Variants in UBE2E1 observed in about 807,000 individuals in gnomAD.
UBE2E1 encodes the protein ubiquitin-conjugating enzyme E2 E1.
In UBE2E1, 6 loss-of-function variants were observed where a neutral mutation model predicts 21.4. That is an observed-to-expected ratio of 0.28 (90% CI 0.15 to 0.55). The LOEUF (loss-of-function observed/expected upper bound fraction) is 0.55, where lower values mean the gene tolerates loss of function less well. Ranked by LOEUF, UBE2E1 falls within the 20% of genes least tolerant of loss-of-function variation. UBE2E1 has a pLI of 0.93. For missense variants in UBE2E1, 142 were observed against 236.5 expected (o/e 0.60, Z 2.62); for synonymous variants, 87 against 82.7 (o/e 1.05, Z -0.28).
chr3:23,819,090 C>T (rs1185489754), intron 3 of UBE2E1, among the ~76,000 whole-genome samples: 1 of 152,134 alleles, frequency 6.6e-6, no homozygotes, highest in Non-Finnish European at 1.5e-5. Flanking sequence ...TGAGACCATC[C>T]TGGCTAACAT....
Position 23,831,296 on chromosome 3 carries a change from G to A in UBE2E1, c.203+19786G>A, listed in dbSNP as rs540341117. Among the ~76,000 whole-genome samples the A allele has an allele frequency of 4.6e-5, 7 of 151,978 alleles. No individual in the cohort carries two copies. In the South Asian group the frequency reaches 1.2e-3, roughly 27 times the overall value. On this transcript the variant is annotated intron_variant, in intron 3 of 5. Transcript: ENST00000306627. ...AGTGCGCTTTATTTTTTCTCACATCGCAGATTGCTCCTGGCTGCCCACAGC... is the reference window on the plus strand; with the variant it reads ...AGTGCGCTTTATTTTTTCTCACATCACAGATTGCTCCTGGCTGCCCACAGC...
Position 23,810,032 on chromosome 3 carries a change from C to G in UBE2E1, c.153-1428C>G, listed in dbSNP as rs193259807. Among the ~76,000 whole-genome samples, 11 of 152,332 alleles carry G rather than the reference C, an allele frequency of 7.2e-5. No individual in the cohort carries two copies. In the East Asian group the frequency reaches 1.2e-3, roughly 16 times the overall value. On this transcript the variant is annotated intron_variant, in intron 2 of 5. Coordinates refer to ENST00000306627, the MANE Select transcript of UBE2E1 (RefSeq NM_003341.5). This position sits in a 1 kb window ranked among gnomAD's most constrained non-coding sequence, Gnocchi z 5.8. ...GAAGGTTTATAGAACCTCCCCCAGT[C>G]GTCGTCCTTAAAACCTGTTCCTCAT...
chr3:23,864,147 G>C (rs1700607531), intron 3 of UBE2E1, among the ~76,000 whole-genome samples: 1 of 152,164 alleles, frequency 6.6e-6, no homozygotes, highest in African/African-American at 2.4e-5. Context: ...GTCTGGTGTG[G>C]AATTTGTATT....
At chr3:23,869,059 ACGT>A (rs1700720743) in intron 3 of UBE2E1, among the ~76,000 whole-genome samples, 1 of 152,196 alleles carries the variant, frequency 6.6e-6, no homozygotes, top group Non-Finnish European at 1.5e-5. Flanking sequence ...AGTCACATGC[ACGT>A]GTCCAGTTAT....
intron 3 of UBE2E1, among the ~76,000 whole-genome samples, chr3:23,874,355 G>A (rs1278217237): frequency 6.6e-6 from 1 of 152,174 alleles, no homozygotes; most frequent in Admixed American, 6.5e-5. Flanking sequence ...CAAAAAGTCT[G>A]AACAAGATGC....
intron 5 of UBE2E1, 60 bp from the exon 6 acceptor site, chr3:23,890,449 C>T (rs1361043195): frequency 3.2e-5 from 50 of 1,541,318 alleles, no homozygotes; most frequent in East Asian, 4.6e-5. Context: ...TGTCACTATT[C>T]GCTAAAGTTT....
intron 3 of UBE2E1, among the ~76,000 whole-genome samples, chr3:23,858,185 G>T (rs1700480016): frequency 6.6e-6 from 1 of 152,182 alleles, no homozygotes; most frequent in East Asian, 1.9e-4. Flanking sequence ...GTAAATTCTG[G>T]ATTTCAATGC....
At position 23,842,250 on chromosome 3, in the gene UBE2E1, G is replaced by GTGTGTGTGTGTGTGTGTGTGTGGTGT. The variant is rs1553637746; in HGVS notation, c.203+30743_203+30744insGTGTGTGTGTGTGTGTGTGGTGTTGT. On this transcript the variant is annotated intron_variant, in intron 3 of 5. Transcript: ENST00000306627. This position sits in a 1 kb window ranked among gnomAD's most constrained non-coding sequence, Gnocchi z 4.6. The stretch of plus-strand genomic sequence containing the variant: ...GTGTGTGTGTGTGTGTGTGTGTGTG[G>GTGTGTGTGTGTGTGTGTGTGTGGTGT]TGTTGTTGTTGTTGGCGACAGGGTC... Among the ~76,000 whole-genome samples, 16 of 86,362 alleles carry GTGTGTGTGTGTGTGTGTGTGTGGTGT rather than the reference G, an allele frequency of 1.9e-4. No individual in the cohort carries two copies. Among genetic ancestry groups the GTGTGTGTGTGTGTGTGTGTGTGGTGT allele is most frequent in the East Asian group, 6.1e-4 (2 of 3,286 alleles). The allele number at this position is 86,362 out of a possible 152,430, so 56.7% of individuals were successfully genotyped here. A position where few individuals can be genotyped will look rare whatever the true frequency, so the allele number is the denominator to read the frequency against.
At chr3:23,877,911 T>C (rs1440007950) in intron 3 of UBE2E1, among the ~76,000 whole-genome samples, 3 of 152,196 alleles carry the variant, frequency 2.0e-5, no homozygotes, top group Non-Finnish European at 4.4e-5. Context: ...GAACTGAGTT[T>C]CTAATTCAGT....
chr3:23,814,382 A>G (rs1038111392), intron 3 of UBE2E1, among the ~76,000 whole-genome samples: 1 of 152,188 alleles, frequency 6.6e-6, no homozygotes, highest in Non-Finnish European at 1.5e-5. Flanking sequence ...CACAGTACAG[A>G]TTGTGTTCAA....
Position 23,810,691 on chromosome 3 carries a change from G to A in UBE2E1, c.153-769G>A. The A allele has an allele frequency of 1.6e-6, 1 of 619,900 alleles. No individual in the cohort carries two copies. The highest frequency in any genetic ancestry group is 2.6e-6 in the Non-Finnish European group (1 of 386,406). 38.4% of individuals were successfully genotyped at this position (619,900 alleles called of 1,614,324 possible). A position where few individuals can be genotyped will look rare whatever the true frequency, so the allele number is the denominator to read the frequency against. On this transcript the variant is annotated intron_variant, in intron 2 of 5. Transcript: ENST00000306627. This position sits in a 1 kb window ranked among gnomAD's most constrained non-coding sequence, Gnocchi z 5.8. ...GCGCGCGGTCTCGGGCCAAGGTTCT[G>A]GGCGCCGGGAGAGGAGAGCTGGGGC...
intron 3 of UBE2E1, among the ~76,000 whole-genome samples, chr3:23,857,430 T>G (rs1401447460): frequency 6.6e-6 from 1 of 152,136 alleles, no homozygotes; most frequent in Non-Finnish European, 1.5e-5. Flanking sequence ...AGAATTGAAG[T>G]TGAGGTAGCA....
At position 23,810,546 on chromosome 3, in the gene UBE2E1, G is replaced by C. The variant is rs1273285443; in HGVS notation, c.153-914G>C. 1.3e-6 allele frequency: 2 copies of C among 1,532,502 alleles called. No individual in the cohort carries two copies. Among genetic ancestry groups the C allele is most frequent in the South Asian group, 1.2e-5 (1 of 83,802 alleles). 94.9% of individuals were successfully genotyped at this position (1,532,502 alleles called of 1,614,324 possible). A position where few individuals can be genotyped will look rare whatever the true frequency, so the allele number is the denominator to read the frequency against. On this transcript the variant is annotated intron_variant, in intron 2 of 5. Transcript: ENST00000306627. The surrounding 1 kb of genome is among the most constrained non-coding windows in gnomAD (Gnocchi z 5.8). ...AAAAGCAGGTCCGGGGAGGTGGGCC[G>C]AGAGTCCCGGCCAGCGTGCGGGGCG...
At chr3:23,854,758 C>G (rs73825114) in intron 3 of UBE2E1, among the ~76,000 whole-genome samples, 2,727 of 152,268 alleles carry the variant, frequency 0.018, 87 homozygotes, top group African/African-American at 0.062. Flanking sequence ...TAAAGAAATT[C>G]TGTTAAATAC....
intron 3 of UBE2E1, among the ~76,000 whole-genome samples, chr3:23,838,714 C>T (rs1000374992): frequency 2.6e-5 from 4 of 152,078 alleles, no homozygotes; most frequent in East Asian, 1.9e-4. Context: ...CCAGGCTGTT[C>T]GCAAACTCCT....
chr3:23,890,008 A>G (rs1472669071), intron 5 of UBE2E1, among the ~76,000 whole-genome samples: 1 of 152,170 alleles, frequency 6.6e-6, no homozygotes, highest in Non-Finnish European at 1.5e-5. Flanking sequence ...GAGAAATACT[A>G]TACTTAATTG....
At chr3:23,865,449 G>A (rs1415790503) in intron 3 of UBE2E1, among the ~76,000 whole-genome samples, 1 of 152,124 alleles carries the variant, frequency 6.6e-6, no homozygotes, top group Non-Finnish European at 1.5e-5. Context: ...AACTTCCTAG[G>A]GCTCAGGTGA....
At chr3:23,882,057 C>G (rs1701056552) in intron 3 of UBE2E1, among the ~76,000 whole-genome samples, 1 of 152,176 alleles carries the variant, frequency 6.6e-6, no homozygotes, top group Non-Finnish European at 1.5e-5. Flanking sequence ...AGTGCGGACC[C>G]AAAGAGTGAG....
At chr3:23,849,166 T>C (rs770983359) in intron 3 of UBE2E1, among the ~76,000 whole-genome samples, 6 of 152,180 alleles carry the variant, frequency 3.9e-5, no homozygotes, top group Non-Finnish European at 8.8e-5. Context: ...TTAATGATTA[T>C]GTTTAACATT....
Sources: gnomAD v4.1 joint callset for allele counts (sites outside exome capture counted in the v4.1 genomes callset) on GRCh38, gnomAD v4.1.1 for gene constraint, Gnocchi (gnomAD v3.1) non-coding constraint, MANE v1.5 for transcripts, NCBI Gene and HGNC (gene_info 2026-07-23, HGNC 2026-07-21) for gene names.